CSMD1: variants seen among roughly 807,000 people sequenced by gnomAD.
CSMD1 encodes the protein CUB and sushi domain-containing protein 1.
Under a neutral mutation model 417.5 loss-of-function variants are expected in CSMD1, and 213 were observed. The ratio of observed to expected loss-of-function variants is 0.51; its 90% CI spans 0.46 to 0.57. CSMD1 has a LOEUF of 0.57. CSMD1 is among the 20% of genes least tolerant of loss of function. CSMD1 has a pLI of 0.00. For synonymous variants in CSMD1, 2,862 were observed against 1,736.8 expected (o/e 1.65, Z -16.11); for missense variants, 6,923 against 4,529.7 (o/e 1.53, Z -15.17).
chr8:3,933,652 G>C (rs967342415), intron 5 of CSMD1, among the ~76,000 whole-genome samples: 3 of 152,148 alleles, frequency 2.0e-5, no homozygotes, highest in African/African-American at 7.2e-5. Flanking sequence ...AGAGATTTCA[G>C]AAAAACAGTT....
intron 10 of CSMD1, among the ~76,000 whole-genome samples, chr8:3,553,085 A>C (rs1329401245): frequency 2.0e-5 from 3 of 151,682 alleles, no homozygotes; most frequent in African/African-American, 7.3e-5. Flanking sequence ...TCTTAAAACC[A>C]ATCAACCAAC....
At chr8:3,920,124 T>C (rs1050678749) in intron 5 of CSMD1, among the ~76,000 whole-genome samples, 1 of 152,106 alleles carries the variant, frequency 6.6e-6, no homozygotes, top group African/African-American at 2.4e-5. Context: ...GTCATGACTT[T>C]CCACACTCAG....
At chr8:2,990,391 G>C (rs896531740) in intron 54 of CSMD1, among the ~76,000 whole-genome samples, 4 of 152,200 alleles carry the variant, frequency 2.6e-5, no homozygotes, top group Non-Finnish European at 4.4e-5. Flanking sequence ...CCTGGTGCTA[G>C]AGACAGTGGG....
At chr8:4,258,030 C>G (rs1044772867) in intron 3 of CSMD1, among the ~76,000 whole-genome samples, 1 of 151,928 alleles carries the variant, frequency 6.6e-6, no homozygotes, top group African/African-American at 2.4e-5. Context: ...TTTCTCACAG[C>G]TGTGGAAGGG....
chr8:4,295,305 T>A (rs191768416), intron 3 of CSMD1, among the ~76,000 whole-genome samples: 1 of 109,500 alleles, frequency 9.1e-6, no homozygotes, highest in African/African-American at 2.9e-5. Context: ...AGATTATCTA[T>A]ATAATCTTAA....
intron 3 of CSMD1, among the ~76,000 whole-genome samples, chr8:4,407,177 A>G (rs1373164640): frequency 1.3e-5 from 2 of 152,190 alleles, no homozygotes; most frequent in African/African-American, 2.4e-5. Context: ...TTTACCAAAG[A>G]AGTTTGCCAG....
At chr8:4,612,321 C>A (rs1223604360) in intron 2 of CSMD1, among the ~76,000 whole-genome samples, 2 of 151,524 alleles carry the variant, frequency 1.3e-5, no homozygotes, top group East Asian at 1.9e-4. Flanking sequence ...TTTGAAGTTC[C>A]CCACTTTACT....
chr8:3,816,920 CCTATTCTA>C (rs1346758707), intron 5 of CSMD1, among the ~76,000 whole-genome samples: 6 of 152,022 alleles, frequency 3.9e-5, no homozygotes, highest in Non-Finnish European at 8.8e-5. Context: ...TATGGTCCTC[CCTATTCTA>C]CTATTCTAGG....
chr8:4,268,736 A>G (rs1585128807), intron 3 of CSMD1, among the ~76,000 whole-genome samples: 1 of 151,148 alleles, frequency 6.6e-6, no homozygotes. Flanking sequence ...CCCCCACTTA[A>G]TTCTATTAAA....
chr8:3,207,014 T>C (rs543477411), intron 30 of CSMD1, among the ~76,000 whole-genome samples: 40 of 152,282 alleles, frequency 2.6e-4, no homozygotes, highest in African/African-American at 9.1e-4. Flanking sequence ...ATGCTGGCTG[T>C]GGCCTGACTG....
chr8:4,413,826 C>G (rs1364658180), intron 3 of CSMD1, among the ~76,000 whole-genome samples: 1 of 152,080 alleles, frequency 6.6e-6, no homozygotes, highest in Non-Finnish European at 1.5e-5. Context: ...GGTGAGGACC[C>G]TACTTCTACT....
At chr8:3,263,190 C>T (rs1222207133) in intron 26 of CSMD1, among the ~76,000 whole-genome samples, 1 of 152,206 alleles carries the variant, frequency 6.6e-6, no homozygotes. Context: ...CCCCTGCCTC[C>T]TGGGTTCAAG....
At chr8:4,784,864 T>G (rs1481740524) in intron 1 of CSMD1, among the ~76,000 whole-genome samples, 2 of 152,172 alleles carry the variant, frequency 1.3e-5, no homozygotes, top group East Asian at 1.9e-4. Flanking sequence ...AAAACTAAAT[T>G]TGCTGAGGTC....
At chr8:4,405,063 A>C (rs1200807917) in intron 3 of CSMD1, among the ~76,000 whole-genome samples, 3 of 152,240 alleles carry the variant, frequency 2.0e-5, no homozygotes, top group African/African-American at 4.8e-5. Context: ...ACACTTTCTC[A>C]AATCAATGCT....
intron 5 of CSMD1, among the ~76,000 whole-genome samples, chr8:3,756,578 T>C (rs1797672597): frequency 6.6e-6 from 1 of 152,104 alleles, no homozygotes; most frequent in Non-Finnish European, 1.5e-5. Context: ...TCCAAAGCCC[T>C]CAAAATACTG....
rs576405074 is a variant in CSMD1, at chr8:3,294,619, C to T, written c.3951-10273G>A. 3.3e-5 allele frequency among the ~76,000 whole-genome samples: 5 copies of T among 152,294 alleles called. No individual in the cohort carries two copies. The South Asian group carries it at 1.0e-3, about 32-fold the overall frequency. ...TCCGTGGGGGTAGGACCCTCTGAGT[C>T]ATGCACGGGATATAATCTCCTGGTG... is the stretch of plus-strand genomic sequence containing the variant. On this transcript the variant is annotated intron_variant, in intron 25 of 69. Transcript: ENST00000635120.
At chr8:3,241,520 G>C (rs1799520656) in intron 26 of CSMD1, among the ~76,000 whole-genome samples, 1 of 152,196 alleles carries the variant, frequency 6.6e-6, no homozygotes, top group Non-Finnish European at 1.5e-5. Flanking sequence ...GAGTGAGTCA[G>C]AGAGTCTTGG....
chr8:4,801,965 T>A (rs541605649), intron 1 of CSMD1, among the ~76,000 whole-genome samples: 2 of 152,282 alleles, frequency 1.3e-5, no homozygotes, highest in African/African-American at 4.8e-5. Context: ...CTTCCTTTCA[T>A]ATTTACTGCA....
intron 1 of CSMD1, among the ~76,000 whole-genome samples, chr8:4,839,352 G>A (rs933530882): frequency 6.6e-5 from 10 of 152,132 alleles, no homozygotes; most frequent in African/African-American, 1.2e-4. Flanking sequence ...ATACAACCAA[G>A]CAAATATATT....
Sources: gnomAD v4.1 joint callset for allele counts (sites outside exome capture counted in the v4.1 genomes callset) on GRCh38, gnomAD v4.1.1 for gene constraint, MANE v1.5 for transcripts, NCBI Gene and HGNC (gene_info 2026-07-23, HGNC 2026-07-21) for gene names.